The following ZNF677 variants were observed in gnomAD, a reference collection of about 807,000 sequenced individuals.
ZNF677 encodes the protein hypothetical protein MGC48625.
Under a neutral mutation model 8.1 loss-of-function variants are expected in ZNF677, and 5 were observed. The ratio of observed to expected loss-of-function variants is 0.62; its 90% CI spans 0.32 to 1.29. The LOEUF (loss-of-function observed/expected upper bound fraction) is 1.29. Among genes scored for constraint, ZNF677 ranks in the 50% most tolerant of loss-of-function variants. The pLI is 0.05. For synonymous variants in ZNF677, 221 were observed against 225.6 expected (o/e 0.98, Z 0.18); for missense variants, 685 against 685.9 (o/e 1.00, Z 0.01).
Position 53,247,545 on chromosome 19 carries a change from A to G in ZNF677, c.16-3648T>C, listed in dbSNP as rs547022530. ...TGCTCAAGCCCTTTATTTCCTTACT[A>G]ATCTTCTGTCTGGCTGTTCTATCCA... is the stretch of plus-strand genomic sequence containing the variant. On this transcript the variant is annotated intron_variant, in intron 3 of 4. Transcript: ENST00000598513. Among the ~76,000 whole-genome samples, 14 of 152,310 alleles carry G rather than the reference A, an allele frequency of 9.2e-5. 1 individual carries two copies. Among genetic ancestry groups the G allele is most frequent in the African/African-American group, 3.4e-4 (14 of 41,572 alleles).
chr19:53,241,694 G>A, intron 4 of ZNF677: 1 of 391,878 alleles, frequency 2.6e-6, no homozygotes, highest in South Asian at 1.4e-4. Flanking sequence ...CGGCTGTCCT[G>A]ATTCTCTCTC....
At chr19:53,241,949 G>A (rs191434356) in intron 4 of ZNF677, 4 of 382,604 alleles carry the variant, frequency 1.0e-5, no homozygotes, top group Middle Eastern at 6.5e-4. Context: ...TTTTTTTTTC[G>A]AGATGGAGTT....
At chr19:53,242,604 C>T in intron 4 of ZNF677, 2 of 393,602 alleles carry the variant, frequency 5.1e-6, no homozygotes, top group Non-Finnish European at 8.9e-6. Flanking sequence ...GGGGCTTGAA[C>T]AAGTAGAGAG....
Position 53,237,955 on chromosome 19 carries a change from T to C in ZNF677, c.772A>G (p.Ile258Val), listed in dbSNP as rs368053971. ...TTACACTTGTATGATTTTTCTCTAA[T>C]GTGTGTTCTCCCATACTGTGTATGT... ...LLHTQYGRTH[I>V]REKSYKCNDC... Residue 258 changes from isoleucine to valine, a missense_variant, in exon 5 of 5, where the codon ATT becomes GTT. Ile to Val is a conservative substitution (Grantham distance 29). Coordinates refer to ENST00000598513, the MANE Select transcript of ZNF677 (RefSeq NM_182609.4). The C allele has an allele frequency of 1.7e-4, 273 of 1,612,408 alleles. No homozygotes were observed. The highest frequency in any genetic ancestry group is 2.2e-4 in the Non-Finnish European group (265 of 1,179,964).
chr19:53,243,565 G>T, intron 4 of ZNF677, 179 bp downstream of exon 4: 1 of 756,558 alleles, frequency 1.3e-6, no homozygotes, highest in Non-Finnish European at 2.1e-6. Flanking sequence ...CTGATTATGC[G>T]CAGAACTTCT....
chr19:53,242,195 GT>G (rs1164808686), intron 4 of ZNF677: 2 of 397,478 alleles, frequency 5.0e-6, no homozygotes, highest in South Asian at 2.8e-4. Flanking sequence ...GCCTCCCAAA[GT>G]GCTGGGATTA....
intron 3 of ZNF677, among the ~76,000 whole-genome samples, chr19:53,246,085 A>G (rs1441837958): frequency 6.6e-6 from 1 of 152,086 alleles, no homozygotes; most frequent in East Asian, 1.9e-4. Context: ...TCAGAAGGCC[A>G]AGGCGGATGG....
chr19:53,244,299 A>G (rs2091102532), intron 3 of ZNF677, among the ~76,000 whole-genome samples: 2 of 152,142 alleles, frequency 1.3e-5, no homozygotes, highest in Admixed American at 1.3e-4. Flanking sequence ...GGAGGTGGAG[A>G]CTGCAGTGGG....
intron 2 of ZNF677, among the ~76,000 whole-genome samples, chr19:53,252,849 T>C (rs1187264256): frequency 6.6e-6 from 1 of 152,248 alleles, no homozygotes; most frequent in African/African-American, 2.4e-5. Flanking sequence ...ACACCAGTAG[T>C]GATGGGGTGC....
At position 53,238,356 on chromosome 19, in the gene ZNF677, C is replaced by T. The variant is rs374906223; in HGVS notation, c.371G>A (p.Cys124Tyr). 1.2e-5 allele frequency: 19 copies of T among 1,612,622 alleles called. No homozygotes were observed. In the African/African-American group the frequency reaches 2.0e-4, roughly 17 times the overall value. The stretch of plus-strand genomic sequence containing the variant: ...TTTTCTGTGAGTGAGATTTTTGTTA[C>T]AGGTCAAAGGCATTCCTTTGTAATT... ...VKNYKGMPLT[C>Y]NKNLTHRKDQ... The change falls in exon 5 of 5, where the codon TGT becomes TAT. Residue 124 changes from cysteine to tyrosine, a missense_variant. Physicochemically the swap from Cys to Tyr is radical, Grantham distance 194. Coordinates refer to ENST00000598513, the MANE Select transcript of ZNF677 (RefSeq NM_182609.4).
At chr19:53,242,971 C>A (rs987593038) in intron 4 of ZNF677, 1 of 152,214 alleles carries the variant, frequency 6.6e-6, no homozygotes, top group Admixed American at 6.5e-5. Flanking sequence ...ACCTTTTACA[C>A]ATTTGAATAA....
intron 3 of ZNF677, among the ~76,000 whole-genome samples, chr19:53,248,346 A>G (rs2091179989): frequency 6.6e-6 from 1 of 152,254 alleles, no homozygotes; most frequent in Non-Finnish European, 1.5e-5. Flanking sequence ...ATATAGAAAA[A>G]AAGTTTTTAA....
intron 3 of ZNF677, among the ~76,000 whole-genome samples, chr19:53,248,287 T>C (rs558578999): frequency 1.3e-5 from 2 of 152,360 alleles, no homozygotes; most frequent in Admixed American, 1.3e-4. Context: ...TCTATGCATT[T>C]TATAGCCAGT....
chr19:53,239,316 G>A (rs569694338), intron 4 of ZNF677: 2 of 152,202 alleles, frequency 1.3e-5, no homozygotes, highest in South Asian at 4.1e-4. Flanking sequence ...TACTGCTTAT[G>A]AACTACAGAA....
Position 53,243,564 on chromosome 19 carries a change from C to T in ZNF677, c.169+180G>A, listed in dbSNP as rs988583515. ...CCACCACTCGTCAAACCTGATTATG[C>T]GCAGAACTTCTGAAGAAAGGGGAAG... On this transcript the variant is annotated intron_variant, in intron 4 of 4. Transcript: ENST00000598513. The T allele has an allele frequency of 3.4e-5, 26 of 753,690 alleles. 1 individual carries two copies. The highest frequency in any genetic ancestry group is 5.8e-5 in the South Asian group (3 of 51,702). 46.7% of individuals were successfully genotyped at this position (753,690 alleles called of 1,614,324 possible).
chr19:53,238,337 G>A lies in ZNF677; in HGVS notation c.390C>T (p.His130=), dbSNP rs1182948655. The A allele has an allele frequency of 1.9e-6, 3 of 1,612,884 alleles. No individual in the cohort carries two copies. Among genetic ancestry groups the A allele is most frequent in the East Asian group, 2.2e-5 (1 of 44,852 alleles). The change falls in exon 5 of 5, where the codon CAC becomes CAT. Residue 130 remains histidine (H), a synonymous_variant. Transcript: ENST00000598513. The part of the protein sequence containing the change: ...MPLTCNKNLT[H]RKDQQHNKSS... ...ATTTATTATGTTGTTGATCTTTTCT[G>A]TGAGTGAGATTTTTGTTACAGGTCA...
In ZNF677 at chr19:53,236,858, T is replaced by C. The variant is rs190432421; in HGVS notation, c.*114A>G. 5.0e-5 allele frequency: 48 copies of C among 957,596 alleles called. No individual in the cohort carries two copies. The highest frequency in any genetic ancestry group is 6.7e-5 in the Admixed American group (2 of 29,758). 59.3% of individuals were successfully genotyped at this position (957,596 alleles called of 1,614,324 possible). A position where few individuals can be genotyped will look rare whatever the true frequency, so the allele number is the denominator to read the frequency against. On this transcript the variant is annotated 3_prime_UTR_variant, in exon 5 of 5. Coordinates refer to ENST00000598513, the MANE Select transcript of ZNF677 (RefSeq NM_182609.4). ...AGCCTTGCCATACATGTTATCTTTGTGTGGTTTATCTCAAAGATGTATATT... is the reference window on the plus strand; with the variant it reads ...AGCCTTGCCATACATGTTATCTTTGCGTGGTTTATCTCAAAGATGTATATT...
Position 53,238,091 on chromosome 19 carries a change from A to G in ZNF677, c.636T>C (p.Tyr212=). ...TAGACTTCTCAACTGGATTACATTC[A>G]TACATTTTCTCCCCAGTTTGAAATC... is the stretch of plus-strand genomic sequence containing the variant. ...LQRFQTGEKM[Y]ECNPVEKSIN... Residue 212 remains tyrosine, a synonymous_variant, in exon 5 of 5, where the codon TAT becomes TAC. Transcript: ENST00000598513. The G allele has an allele frequency of 1.2e-6, 2 of 1,614,074 alleles. No homozygotes were observed. Among genetic ancestry groups the G allele is most frequent in the Middle Eastern group, 1.6e-4 (1 of 6,062 alleles).
intron 3 of ZNF677, among the ~76,000 whole-genome samples, chr19:53,246,767 C>A (rs947018494): frequency 6.6e-6 from 1 of 152,054 alleles, no homozygotes; most frequent in African/African-American, 2.4e-5. Flanking sequence ...TTCAGTTACA[C>A]AAGATGAAAA....
Sources: allele counts gnomAD v4.1 joint callset (sites outside exome capture counted in the v4.1 genomes callset), GRCh38; gene constraint gnomAD v4.1.1; transcripts MANE v1.5; gene names NCBI Gene and HGNC (gene_info 2026-07-23, HGNC 2026-07-21).